FER1L6: variants seen among roughly 807,000 people sequenced by gnomAD.
FER1L6 encodes the protein fer-1-like protein 6.
In FER1L6, 177 loss-of-function variants were observed where a neutral mutation model predicts 219.2. The ratio of observed to expected loss-of-function variants is 0.81; its 90% CI spans 0.71 to 0.91. The LOEUF (loss-of-function observed/expected upper bound fraction) is 0.91. Ranked by LOEUF, FER1L6 falls within the 40% of genes least tolerant of loss-of-function variation. The probability of loss-of-function intolerance (pLI) is 0.00; values close to 1 mark genes in which losing one functional copy is unlikely to be tolerated. For missense variants in FER1L6, 2,153 were observed against 2,259.9 expected (o/e 0.95, Z 0.96); for synonymous variants, 768 against 824.3 (o/e 0.93, Z 1.17).
At chr8:123,981,967 A>G (rs1816343986) in intron 11 of FER1L6, among the ~76,000 whole-genome samples, 1 of 152,176 alleles carries the variant, frequency 6.6e-6, no homozygotes, top group Admixed American at 6.5e-5. Context: ...ACCACCAGGA[A>G]GCAGCTATTC....
chr8:124,076,406 G>A (rs1167712997), intron 32 of FER1L6, 81 bp downstream of exon 32: 4 of 1,357,224 alleles, frequency 2.9e-6, no homozygotes, highest in South Asian at 1.2e-5. Flanking sequence ...GTGCGTGTAT[G>A]TTTGTGTTCC....
intron 1 of FER1L6, among the ~76,000 whole-genome samples, chr8:123,874,002 A>T (rs780330086): frequency 1.3e-5 from 2 of 152,178 alleles, no homozygotes; most frequent in African/African-American, 2.4e-5. Context: ...ATTCTGTAGA[A>T]CATCTTATAA....
chr8:123,914,426 C>T (rs1441992514), intron 1 of FER1L6, among the ~76,000 whole-genome samples: 1 of 152,156 alleles, frequency 6.6e-6, no homozygotes, highest in Non-Finnish European at 1.5e-5. Flanking sequence ...GAAGATTGAT[C>T]CACTCTTTGT....
intron 1 of FER1L6, among the ~76,000 whole-genome samples, chr8:123,867,955 G>A (rs1411542426): frequency 6.6e-6 from 1 of 152,194 alleles, no homozygotes. Flanking sequence ...CCCTCAGAGA[G>A]TAAACCATTA....
chr8:124,070,380 C>T lies in FER1L6; in HGVS notation c.3835-87C>T, dbSNP rs1821017154. On this transcript the variant is annotated intron_variant, in intron 29 of 40. Coordinates refer to ENST00000522917, the MANE Select transcript of FER1L6 (RefSeq NM_001039112.2). ...TTTTCCCAAGGGGCATATATCAAGGCTGGTTTTGGAGAATCTTGGCATTTC... is the reference window on the plus strand; with the variant it reads ...TTTTCCCAAGGGGCATATATCAAGGTTGGTTTTGGAGAATCTTGGCATTTC... 6.1e-6 allele frequency: 9 copies of T among 1,472,716 alleles called. No individual in the cohort carries two copies. In the East Asian group the frequency reaches 1.9e-4, roughly 31 times the overall value. 91.2% of individuals were successfully genotyped at this position (1,472,716 alleles called of 1,614,324 possible).
chr8:124,015,356 TA>T (rs1051173339), intron 15 of FER1L6, among the ~76,000 whole-genome samples: 34 of 151,870 alleles, frequency 2.2e-4, no homozygotes, highest in African/African-American at 8.2e-4. Context: ...TGAAATTAAG[TA>T]GTTTAAGATT....
At chr8:124,096,068 T>A (rs1822271462) in intron 35 of FER1L6, among the ~76,000 whole-genome samples, 2 of 152,168 alleles carry the variant, frequency 1.3e-5, no homozygotes, top group South Asian at 2.1e-4. Context: ...TACCCTGCTA[T>A]CCCAGAGTTA....
chr8:123,908,633 A>C (rs28431244), intron 1 of FER1L6, among the ~76,000 whole-genome samples: 16 of 152,208 alleles, frequency 1.1e-4, no homozygotes, highest in African/African-American at 3.6e-4. Context: ...TACTAAGTGT[A>C]AGGATAACCA....
intron 1 of FER1L6, among the ~76,000 whole-genome samples, chr8:123,884,735 C>A (rs1395976649): frequency 6.7e-6 from 1 of 150,244 alleles, no homozygotes; most frequent in Non-Finnish European, 1.5e-5. Context: ...AATGGCTGAC[C>A]CTGCAGTGAG....
chr8:124,055,385 AT>A (rs1820240728), intron 22 of FER1L6, among the ~76,000 whole-genome samples: 1 of 152,134 alleles, frequency 6.6e-6, no homozygotes, highest in Admixed American at 6.5e-5. Flanking sequence ...GAAAAAAAAA[AT>A]GCATCTGTTT....
At chr8:124,113,181 A>G (rs970495398) in intron 39 of FER1L6, among the ~76,000 whole-genome samples, 2 of 152,220 alleles carry the variant, frequency 1.3e-5, no homozygotes, top group African/African-American at 4.8e-5. Context: ...TTTGTCCTCA[A>G]CATTTATTCA....
At chr8:123,939,428 G>A (rs1253814365) in intron 1 of FER1L6, among the ~76,000 whole-genome samples, 2 of 152,162 alleles carry the variant, frequency 1.3e-5, no homozygotes, top group East Asian at 1.9e-4. Context: ...CAAAAAGCAG[G>A]TTCCAAGATG....
At chr8:123,959,633 G>T (rs377547161) in intron 2 of FER1L6, among the ~76,000 whole-genome samples, 27 of 152,202 alleles carry the variant, frequency 1.8e-4, no homozygotes, top group African/African-American at 6.5e-4. Flanking sequence ...GTACTGTTGT[G>T]TGTGGTTTGC....
intron 13 of FER1L6, among the ~76,000 whole-genome samples, chr8:124,005,804 C>T (rs960629526): frequency 3.9e-5 from 6 of 152,258 alleles, no homozygotes; most frequent in Non-Finnish European, 8.8e-5. Context: ...TGGGGAAAGT[C>T]ACAGAAAGAG....
rs75829106 is a variant in FER1L6, at chr8:124,070,684, G to A, written c.3966+86G>A. 1.2e-3 allele frequency: 1,506 copies of A among 1,220,342 alleles called. 13 individuals carry two copies. The African/African-American group carries it at 0.019, about 16-fold the overall frequency. 75.6% of individuals were successfully genotyped at this position (1,220,342 alleles called of 1,614,324 possible). On this transcript the variant is annotated intron_variant, in intron 30 of 40. Coordinates refer to ENST00000522917, the MANE Select transcript of FER1L6 (RefSeq NM_001039112.2). The stretch of plus-strand genomic sequence containing the variant: ...TCGATTCTGTTAATGGAATTGTGGT[G>A]TGGGATGTGTGTAGGGAAAATCCTT...
Position 124,069,484 on chromosome 8 carries a change from G to C in FER1L6, c.3834+9G>C, listed in dbSNP as rs1160038715. On this transcript the variant is annotated intron_variant, in intron 29 of 40. Coordinates refer to ENST00000522917, the MANE Select transcript of FER1L6 (RefSeq NM_001039112.2). ...ACCTGGCCATCTTGCAGGTATGTGGGGACACAGGCATCTCTGCCATGGATG... is the reference window on the plus strand; with the variant it reads ...ACCTGGCCATCTTGCAGGTATGTGGCGACACAGGCATCTCTGCCATGGATG... The C allele has an allele frequency of 5.7e-6, 9 of 1,589,474 alleles. No homozygotes were observed. Among genetic ancestry groups the C allele is most frequent in the Non-Finnish European group, 7.7e-6 (9 of 1,165,076 alleles).
At chr8:124,015,710 C>T (rs771875194) in intron 15 of FER1L6, among the ~76,000 whole-genome samples, 13 of 149,612 alleles carry the variant, frequency 8.7e-5, no homozygotes, top group Non-Finnish European at 1.6e-4. Context: ...TGTTTATGAG[C>T]AAATTAAAAG....
In FER1L6 at chr8:124,021,604, T is replaced by C. The variant is rs997871588; in HGVS notation, c.2068T>C (p.Ser690Pro). 2 of 1,614,040 alleles carry C rather than the reference T, an allele frequency of 1.2e-6. No individual in the cohort carries two copies. The highest frequency in any genetic ancestry group is 1.3e-5 in the African/African-American group (1 of 74,920). Reference sequence around the variant, plus strand: ...CATTCAGCAGCAGAAGAAAAAGTTATCTGTTGATGAAATGATTCACGAAGC... The same window carrying C: ...CATTCAGCAGCAGAAGAAAAAGTTACCTGTTGATGAAATGATTCACGAAGC... ...GIIQQQKKKL[S>P]VDEMIHEAQN... Residue 690 changes from serine (S) to proline (P), a missense_variant, in exon 17 of 41, where the codon TCT (serine) becomes CCT (proline). Transcript: ENST00000522917.
At position 123,980,453 on chromosome 8, in the gene FER1L6, G is replaced by T; in HGVS notation, c.1064-12G>T. 6.4e-7 allele frequency: 1 copy of T among 1,569,278 alleles called. No homozygotes were observed. The highest frequency in any genetic ancestry group is 8.6e-7 in the Non-Finnish European group (1 of 1,159,274). Reference sequence around the variant, plus strand: ...AACATAATGAGATAACTAAAACCTGGGGTCTCTCTAGGCTTTCTGCCCACC... The same window carrying T: ...AACATAATGAGATAACTAAAACCTGTGGTCTCTCTAGGCTTTCTGCCCACC... On this transcript the variant is annotated splice_polypyrimidine_tract_variant and intron_variant, in intron 10 of 40. Transcript: ENST00000522917.
Sources: gnomAD v4.1 joint callset for allele counts (sites outside exome capture counted in the v4.1 genomes callset) on GRCh38, gnomAD v4.1.1 for gene constraint, MANE v1.5 for transcripts, NCBI Gene and HGNC (gene_info 2026-07-23, HGNC 2026-07-21) for gene names.